Variants in LGR5 observed in about 807,000 individuals in gnomAD.
The protein encoded by LGR5 is leucine rich repeat containing G protein-coupled receptor 5, also known as leucine-rich repeat-containing G protein-coupled receptor 5.
In LGR5, 54 loss-of-function variants were observed where a neutral mutation model predicts 76.7. The observed-to-expected ratio is 0.70, with a 90% CI of 0.57 to 0.88. The LOEUF (loss-of-function observed/expected upper bound fraction) is 0.88, where lower values mean the gene tolerates loss of function less well. Ranked by LOEUF, LGR5 falls within the 40% of genes least tolerant of loss-of-function variation. LGR5 has a pLI of 0.00. For missense variants in LGR5, 1,078 were observed against 1,073.3 expected (o/e 1.00, Z -0.06); for synonymous variants, 406 against 421.9 (o/e 0.96, Z 0.46).
chr12:71,528,747 C>T (rs951451141), intron 3 of LGR5, among the ~76,000 whole-genome samples: 3 of 152,102 alleles, frequency 2.0e-5, no homozygotes, highest in African/African-American at 7.2e-5. Context: ...GGGTGGCCAG[C>T]TTGTTGCTTT....
intron 1 of LGR5, among the ~76,000 whole-genome samples, chr12:71,468,199 A>G (rs1414503104): frequency 6.6e-6 from 1 of 152,240 alleles, no homozygotes; most frequent in African/African-American, 2.4e-5. Flanking sequence ...GAAAAATAAA[A>G]TAAAATGTTG....
rs769929473 is a variant in LGR5, at chr12:71,504,697, T to C, written c.284+12T>C. On this transcript the variant is annotated intron_variant, in intron 2 of 17. Coordinates refer to ENST00000266674, the MANE Select transcript of LGR5 (RefSeq NM_003667.4). ...TTCCTGGAGGAGTTGTAAGTATCAC[T>C]GTAGTCTTGATGCATCCAGTCAACA... The C allele has an allele frequency of 6.3e-7, 1 of 1,599,724 alleles. No individual in the cohort carries two copies. Among genetic ancestry groups the C allele is most frequent in the South Asian group, 1.1e-5 (1 of 90,790 alleles).
chr12:71,562,929 G>A (rs1378495218), intron 8 of LGR5, among the ~76,000 whole-genome samples: 1 of 152,150 alleles, frequency 6.6e-6, no homozygotes, highest in African/African-American at 2.4e-5. Context: ...CATTGTTTCT[G>A]AAATGTTCTG....
At chr12:71,499,894 T>C (rs566389720) in intron 1 of LGR5, among the ~76,000 whole-genome samples, 131 of 152,098 alleles carry the variant, frequency 8.6e-4, no homozygotes, top group African/African-American at 3.1e-3. Flanking sequence ...GGCCGTGGTG[T>C]AGAAGATGAC....
At chr12:71,519,835 T>C (rs1246957441) in intron 2 of LGR5, among the ~76,000 whole-genome samples, 1 of 149,924 alleles carries the variant, frequency 6.7e-6, no homozygotes, top group Non-Finnish European at 1.5e-5. Flanking sequence ...AAAAAAATAA[T>C]AATAATAAAT....
intron 1 of LGR5, among the ~76,000 whole-genome samples, chr12:71,499,518 AC>A (rs1008126880): frequency 6.6e-6 from 1 of 152,028 alleles, no homozygotes; most frequent in Non-Finnish European, 1.5e-5. Context: ...CAAGATAGAA[AC>A]CCACATTAAA....
At chr12:71,458,266 A>G (rs1872566263) in intron 1 of LGR5, among the ~76,000 whole-genome samples, 1 of 152,102 alleles carries the variant, frequency 6.6e-6, no homozygotes, top group South Asian at 2.1e-4. Context: ...CTTAGATACC[A>G]AAGTGTGTAT....
chr12:71,580,484 G>T lies in LGR5; in HGVS notation c.1552+61G>T, dbSNP rs1879045935. The T allele has an allele frequency of 3.9e-6, 6 of 1,523,924 alleles. No individual in the cohort carries two copies. The Admixed American group carries it at 9.0e-5, about 23-fold the overall frequency. 94.4% of individuals were successfully genotyped at this position (1,523,924 alleles called of 1,614,324 possible). The stretch of plus-strand genomic sequence containing the variant: ...TGTGTTCAGTGGAACACATGGAAAT[G>T]AATTATGTTTGATGAAAAGTCATCG... On this transcript the variant is annotated intron_variant, in intron 16 of 17. Coordinates refer to ENST00000266674, the MANE Select transcript of LGR5 (RefSeq NM_003667.4).
chr12:71,580,033 A>G (rs1415930783), intron 15 of LGR5, among the ~76,000 whole-genome samples: 2 of 152,076 alleles, frequency 1.3e-5, no homozygotes, highest in Admixed American at 6.6e-5. Context: ...ATTTTCCATC[A>G]TTTGAGTAAT....
Position 71,440,089 on chromosome 12 carries a change from C to G in LGR5, c.9C>G (p.Thr3=). The G allele has an allele frequency of 6.2e-7, 1 of 1,602,980 alleles. No individual in the cohort carries two copies. Among genetic ancestry groups the G allele is most frequent in the Non-Finnish European group, 8.5e-7 (1 of 1,179,852 alleles). The change falls in exon 1 of 18, where the codon ACC becomes ACG. Residue 3 remains threonine, a synonymous_variant. Transcript: ENST00000266674. The surrounding 1 kb of genome is among the most constrained non-coding windows in gnomAD (Gnocchi z 5.3). The part of the protein sequence containing the change: MD[T]SRLGVLLSLP... Reference sequence around the variant, plus strand: ...CCCCTACTTCGGGCACCATGGACACCTCCCGGCTCGGTGTGCTCCTGTCCT... The same window carrying G: ...CCCCTACTTCGGGCACCATGGACACGTCCCGGCTCGGTGTGCTCCTGTCCT...
In LGR5 at chr12:71,559,613, A is replaced by C; in HGVS notation, c.744A>C (p.Glu248Asp). The stretch of plus-strand genomic sequence containing the variant: ...ATTTAAATTACAATAACCTTGATGA[A>C]TTCCCCACTGCAATTAGGACACTCT... ...TLDLNYNNLD[E>D]FPTAIRTLSN... The change falls in exon 7 of 18, where the codon GAA becomes GAC. Residue 248 changes from glutamate to aspartate, a missense_variant. Glu to Asp is a conservative substitution (Grantham distance 45). Coordinates refer to ENST00000266674, the MANE Select transcript of LGR5 (RefSeq NM_003667.4). 6.3e-7 allele frequency: 1 copy of C among 1,575,172 alleles called. No individual in the cohort carries two copies. The highest frequency in any genetic ancestry group is 8.7e-7 in the Non-Finnish European group (1 of 1,144,968).
intron 8 of LGR5, among the ~76,000 whole-genome samples, chr12:71,562,793 G>A (rs888579550): frequency 6.6e-6 from 1 of 152,012 alleles, no homozygotes; most frequent in African/African-American, 2.4e-5. Flanking sequence ...ATGACTCTAG[G>A]GGCACTTCTC....
At chr12:71,533,035 T>C (rs745551889) in intron 3 of LGR5, among the ~76,000 whole-genome samples, 2 of 152,008 alleles carry the variant, frequency 1.3e-5, no homozygotes, top group African/African-American at 2.4e-5. Context: ...ACCCTTCGTT[T>C]CTAAATAAAT....
At chr12:71,518,174 CA>C (rs1280228869) in intron 2 of LGR5, among the ~76,000 whole-genome samples, 1 of 151,698 alleles carries the variant, frequency 6.6e-6, no homozygotes, top group Non-Finnish European at 1.5e-5. Flanking sequence ...AAGAAAAAAA[CA>C]AAAAATTAAA....
In LGR5 at chr12:71,583,786, T is replaced by TA; in HGVS notation, c.1779dup (p.Leu594ThrfsTer80). On this transcript the variant is annotated frameshift_variant, in exon 18 of 18. Coordinates refer to ENST00000266674, the MANE Select transcript of LGR5 (RefSeq NM_003667.4). LOFTEE classifies it low-confidence loss of function (END_TRUNC). ...GATCCCCTCTGTACATTTCCCCCATTAAACTGTTAATTGGGGTCATCGCAG... is the reference window on the plus strand; with the variant it reads ...GATCCCCTCTGTACATTTCCCCCATTAAAACTGTTAATTGGGGTCATCGCAG... 6.2e-7 allele frequency: 1 copy of TA among 1,614,044 alleles called. No homozygotes were observed. Among genetic ancestry groups the TA allele is most frequent in the Non-Finnish European group, 8.5e-7 (1 of 1,179,996 alleles).
chr12:71,519,858 T>A (rs867672758), intron 2 of LGR5, among the ~76,000 whole-genome samples: 7 of 150,082 alleles, frequency 4.7e-5, no homozygotes, highest in South Asian at 4.2e-4. Context: ...ATATAAAAAA[T>A]AATAATAATA....
chr12:71,454,904 G>A (rs1872403941), intron 1 of LGR5, among the ~76,000 whole-genome samples: 1 of 151,086 alleles, frequency 6.6e-6, no homozygotes, highest in South Asian at 2.1e-4. Flanking sequence ...CTAACCTATA[G>A]GATAAAGCAA....
At chr12:71,459,627 T>C (rs751886344) in intron 1 of LGR5, among the ~76,000 whole-genome samples, 59 of 152,190 alleles carry the variant, frequency 3.9e-4, no homozygotes, top group Non-Finnish European at 7.6e-4. Context: ...GAAACAAAGA[T>C]GAATTAAGGA....
chr12:71,508,497 T>G (rs1031065536), intron 2 of LGR5, among the ~76,000 whole-genome samples: 1 of 152,120 alleles, frequency 6.6e-6, no homozygotes, highest in African/African-American at 2.4e-5. Context: ...GGCTCACACC[T>G]GTAATCCCAG....
Sources: allele counts gnomAD v4.1 joint callset (sites outside exome capture counted in the v4.1 genomes callset), GRCh38; gene constraint gnomAD v4.1.1; non-coding constraint Gnocchi (gnomAD v3.1); transcripts MANE v1.5; gene names NCBI Gene and HGNC (gene_info 2026-07-23, HGNC 2026-07-21).